Variants in ADGRA2 observed in about 807,000 individuals in gnomAD.
ADGRA2 encodes the protein G-protein coupled receptor 124.
ADGRA2 carries 61 observed loss-of-function variants against 98.7 expected under a neutral mutation model. The observed-to-expected ratio is 0.62, with a 90% CI of 0.50 to 0.76. The LOEUF is 0.76. ADGRA2 is among the 30% of genes least tolerant of loss of function. ADGRA2 has a pLI of 0.00. For missense variants in ADGRA2, 1,712 were observed against 1,860.0 expected, an observed-to-expected ratio of 0.92 and a Z score of 1.46; for synonymous variants, 858 against 831.5, an observed-to-expected ratio of 1.03 and a Z score of -0.55.
rs1010651371 is a variant in ADGRA2, at chr8:37,841,864, G to A, written c.3526G>A (p.Val1176Met). ...CCTCGCCCACCGCCACCCCAACAAC[G>A]TGCACCACGGGCGTCGGGCGCACAA... ...GNLAHRHPNN[V>M]HHGRRAHKSR... Residue 1176 changes from valine (V) to methionine (M), a missense_variant, in exon 19 of 19, where the codon GTG (valine) becomes ATG (methionine). Physicochemically the swap from Val to Met is conservative, Grantham distance 21. Transcript: ENST00000412232. The surrounding 1 kb of genome is among the most constrained non-coding windows in gnomAD (Gnocchi z 5.0). 2.0e-6 allele frequency: 3 copies of A among 1,534,788 alleles called. No individual in the cohort carries two copies. Among genetic ancestry groups the A allele is most frequent in the South Asian group, 1.2e-5 (1 of 84,048 alleles).
chr8:37,841,697 C>G lies in ADGRA2; in HGVS notation c.3359C>G (p.Ser1120Cys). The G allele has an allele frequency of 6.5e-7, 1 of 1,540,060 alleles. No homozygotes were observed. Among genetic ancestry groups the G allele is most frequent in the Non-Finnish European group, 8.7e-7 (1 of 1,143,216 alleles). The change falls in exon 19 of 19, where the codon TCC becomes TGC. Residue 1120 changes from serine to cysteine, a missense_variant. Physicochemically the swap from Ser to Cys is moderately radical, Grantham distance 112. Coordinates refer to ENST00000412232, the MANE Select transcript of ADGRA2 (RefSeq NM_032777.10). This position sits in a 1 kb window ranked among gnomAD's most constrained non-coding sequence, Gnocchi z 5.0. ...GAGGGCCCCCCCTCCCTCAAGTCCT[C>G]CCCAAGCGGCAGCAGCGGCCATCCG... ...FGEGPPSLKS[S>C]PSGSSGHPLA... is the part of the protein sequence containing the mutation.
rs1261141064 is a variant in ADGRA2 at position 37,814,349 on chromosome 8, C to T, written c.267-547C>T. Among the ~76,000 whole-genome samples the T allele has an allele frequency of 1.3e-5, 2 of 152,170 alleles. No individual in the cohort carries two copies. Among genetic ancestry groups the T allele is most frequent in the Non-Finnish European group, 2.9e-5 (2 of 68,016 alleles). ...TCAGAAGGCTTAGGAGGCCAGGATG[C>T]GGCCACTGTGCACTCAGGCCCTCTG... On this transcript the variant is annotated intron_variant, in intron 1 of 18. Transcript: ENST00000412232. This position sits in a 1 kb window ranked among gnomAD's most constrained non-coding sequence, Gnocchi z 4.3.
rs543367133 is a variant in ADGRA2, at chr8:37,840,900, C to T, written c.2747+51C>T. On this transcript the variant is annotated intron_variant, in intron 18 of 18. Transcript: ENST00000412232. ...AGCCTACCTACCTAACACCAGATGC[C>T]TTCCACTCCACTGGCAGGGCCATCT... 32 of 1,131,514 alleles carry T rather than the reference C, an allele frequency of 2.8e-5. No homozygotes were observed. In the East Asian group the frequency reaches 7.6e-4, roughly 27 times the overall value. 70.1% of individuals were successfully genotyped at this position (1,131,514 alleles called of 1,614,324 possible).
At chr8:37,817,330 A>G (rs1228205883) in intron 2 of ADGRA2, among the ~76,000 whole-genome samples, 1 of 152,204 alleles carries the variant, frequency 6.6e-6, no homozygotes, top group Non-Finnish European at 1.5e-5. Context: ...CGGCTCCGTG[A>G]CTAGGTCCCT....
chr8:37,798,957 C>T (rs1183025570), intron 1 of ADGRA2, among the ~76,000 whole-genome samples: 2 of 152,250 alleles, frequency 1.3e-5, no homozygotes, highest in African/African-American at 4.8e-5. Context: ...CTCTCTCTGA[C>T]TGTCCGCTGG....
chr8:37,807,896 T>C (rs116669682), intron 1 of ADGRA2, among the ~76,000 whole-genome samples: 1,864 of 152,316 alleles, frequency 0.012, 33 homozygotes, highest in African/African-American at 0.043. Flanking sequence ...TTCCCGCACA[T>C]GTGAGAAACA....
chr8:37,797,252 C>T lies in ADGRA2; in HGVS notation c.-17C>T, dbSNP rs1314351141. On this transcript the variant is annotated 5_prime_UTR_variant, in exon 1 of 19. Transcript: ENST00000412232. The surrounding 1 kb of genome is among the most constrained non-coding windows in gnomAD (Gnocchi z 5.3). ...GCCCGGCCCCAGCGCTGTGGGTCCC[C>T]GCGGGGCGATGGGTTGATGGGCGCC... 8.0e-7 allele frequency: 1 copy of T among 1,244,566 alleles called. No individual in the cohort carries two copies. Among genetic ancestry groups the T allele is most frequent in the Non-Finnish European group, 1.0e-6 (1 of 997,232 alleles). 77.1% of individuals were successfully genotyped at this position (1,244,566 alleles called of 1,614,324 possible). A position where few individuals can be genotyped will look rare whatever the true frequency, so the allele number is the denominator to read the frequency against.
rs760136473 is a variant in ADGRA2, at chr8:37,837,857, C to T, written c.2177C>T (p.Ser726Leu). The T allele has an allele frequency of 8.6e-6, 13 of 1,507,330 alleles. No homozygotes were observed. Among genetic ancestry groups the T allele is most frequent in the African/African-American group, 1.4e-5 (1 of 72,028 alleles). The allele number at this position is 1,507,330 out of a possible 1,614,324, so 93.4% of individuals were successfully genotyped here. A position where few individuals can be genotyped will look rare whatever the true frequency, so the allele number is the denominator to read the frequency against. ...CCCGGGGAGGCTGGGGGCTGGACCTCGGAGGGCTGCCAGCTCCGCTCCAGC... is the reference window on the plus strand; with the variant it reads ...CCCGGGGAGGCTGGGGGCTGGACCTTGGAGGGCTGCCAGCTCCGCTCCAGC... Reference protein sequence around the residue: ...EGPGEAGGWTSEGCQLRSSQP... With the variant: ...EGPGEAGGWTLEGCQLRSSQP... The change falls in exon 14 of 19, where the codon TCG (serine) becomes TTG (leucine). Residue 726 changes from serine to leucine, a missense_variant. Transcript: ENST00000412232.
chr8:37,806,068 G>A (rs759527036), intron 1 of ADGRA2, among the ~76,000 whole-genome samples: 1 of 152,046 alleles, frequency 6.6e-6, no homozygotes, highest in African/African-American at 2.4e-5. Flanking sequence ...GGGCTTTTAG[G>A]TTGTGCATGG....
In ADGRA2 at chr8:37,834,192, C is replaced by A; in HGVS notation, c.1608+64C>A. On this transcript the variant is annotated intron_variant, in intron 11 of 18. Transcript: ENST00000412232. This position sits in a 1 kb window ranked among gnomAD's most constrained non-coding sequence, Gnocchi z 4.2. ...GAGGAGGGAGGCGCTCCCTCTCAGG[C>A]GTGCACCTGCCGTGCCCCAGCTAGC... is the stretch of plus-strand genomic sequence containing the variant. The A allele has an allele frequency of 7.0e-7, 1 of 1,429,798 alleles. No homozygotes were observed. Among genetic ancestry groups the A allele is most frequent in the Non-Finnish European group, 9.5e-7 (1 of 1,050,854 alleles). 88.6% of individuals were successfully genotyped at this position (1,429,798 alleles called of 1,614,324 possible). A position where few individuals can be genotyped will look rare whatever the true frequency, so the allele number is the denominator to read the frequency against.
At chr8:37,840,077 G>A (rs2130058583) in intron 16 of ADGRA2, 44 bp from the exon 17 acceptor site, 1 of 1,527,146 alleles carries the variant, frequency 6.5e-7, no homozygotes, top group East Asian at 2.3e-5. Flanking sequence ...GGAGGGTCCA[G>A]TCGTAGTCCC....
intron 13 of ADGRA2, 93 bp from the exon 14 acceptor site, chr8:37,837,638 C>T (rs1435589625): frequency 2.8e-6 from 3 of 1,066,536 alleles, no homozygotes; most frequent in African/African-American, 1.6e-5. Context: ...GCCTAGTACA[C>T]ACCCTGTCAC....
chr8:37,836,724 C>T (rs909906211), intron 13 of ADGRA2, among the ~76,000 whole-genome samples: 21 of 152,364 alleles, frequency 1.4e-4, no homozygotes, highest in African/African-American at 4.3e-4. Context: ...CGTCAGAGAG[C>T]CCCTTCAAAG....
chr8:37,832,905 C>G, intron 8 of ADGRA2, 105 bp from the exon 9 acceptor site: 1 of 840,994 alleles, frequency 1.2e-6, no homozygotes, highest in Non-Finnish European at 1.9e-6. Context: ...TCCTGGATCC[C>G]TCCCCAAGGC....
At position 37,830,843 on chromosome 8, in the gene ADGRA2, C is replaced by T; in HGVS notation, c.852C>T (p.Asn284=). 1 of 1,593,126 alleles carries T rather than the reference C, an allele frequency of 6.3e-7. No individual in the cohort carries two copies. The change falls in exon 7 of 19, where the codon AAC becomes AAT. Residue 284 remains asparagine (N), a synonymous_variant. Coordinates refer to ENST00000412232, the MANE Select transcript of ADGRA2 (RefSeq NM_032777.10). The surrounding 1 kb of genome is among the most constrained non-coding windows in gnomAD (Gnocchi z 4.8). ...GNDTRIRWYH[N]RAPVEGDEQA... ...ACACCCGCATCCGCTGGTACCACAACCGAGCCCCTGTGGAGGGTGATGAGC... is the reference window on the plus strand; with the variant it reads ...ACACCCGCATCCGCTGGTACCACAATCGAGCCCCTGTGGAGGGTGATGAGC...
At position 37,838,967 on chromosome 8, in the gene ADGRA2, C is replaced by A; in HGVS notation, c.2271C>A (p.Ala757=). Residue 757 remains alanine, a synonymous_variant, in exon 15 of 19, where the codon GCC becomes GCA. Transcript: ENST00000412232. Reference sequence around the variant, plus strand: ...CTGCCCTTTCCCAGGAGCTGAGCGCCTTTCCCAGGGAGGTGGGGGGCGCCG... The same window carrying A: ...CTGCCCTTTCCCAGGAGCTGAGCGCATTTCCCAGGGAGGTGGGGGGCGCCG... The part of the protein sequence containing the change: ...GNVAVLMELS[A]FPREVGGAGA... 1 of 1,571,110 alleles carries A rather than the reference C, an allele frequency of 6.4e-7. No homozygotes were observed. The highest frequency in any genetic ancestry group is 8.6e-7 in the Non-Finnish European group (1 of 1,159,436).
At chr8:37,798,075 A>T (rs942379832) in intron 1 of ADGRA2, among the ~76,000 whole-genome samples, 3 of 151,972 alleles carry the variant, frequency 2.0e-5, no homozygotes, top group African/African-American at 7.3e-5. Context: ...CGGTCTCCTT[A>T]GGGCAAGGGG....
At chr8:37,829,602 T>C in intron 5 of ADGRA2, 43 bp downstream of exon 5, 1 of 1,387,854 alleles carries the variant, frequency 7.2e-7, no homozygotes, top group Non-Finnish European at 1.0e-6. Context: ...CCCCTGTCCC[T>C]TTCTCTGCCC....
chr8:37,797,284 C>G lies in ADGRA2; in HGVS notation c.16C>G (p.Arg6Gly), dbSNP rs939199876. The G allele has an allele frequency of 3.8e-6, 5 of 1,299,236 alleles. No homozygotes were observed. The highest frequency in any genetic ancestry group is 4.9e-6 in the Non-Finnish European group (5 of 1,030,606). The allele number at this position is 1,299,236 out of a possible 1,614,324, so 80.5% of individuals were successfully genotyped here. The change falls in exon 1 of 19, where the codon CGC becomes GGC. Residue 6 changes from arginine (R) to glycine (G), a missense_variant. Transcript: ENST00000412232. This position sits in a 1 kb window ranked among gnomAD's most constrained non-coding sequence, Gnocchi z 5.3. Reference protein sequence around the residue: MGAGGRRMRGAPARLL... With the variant: MGAGGGRMRGAPARLL... ...CGATGGGTTGATGGGCGCCGGGGGA[C>G]GCAGGATGCGGGGGGCGCCCGCGCG...
Sources: gnomAD v4.1 joint callset for allele counts (sites outside exome capture counted in the v4.1 genomes callset) on GRCh38, gnomAD v4.1.1 for gene constraint, Gnocchi (gnomAD v3.1) non-coding constraint, MANE v1.5 for transcripts, NCBI Gene and HGNC (gene_info 2026-07-23, HGNC 2026-07-21) for gene names.